SH3PXD2A: variants seen among roughly 807,000 people sequenced by gnomAD.
The protein encoded by SH3PXD2A is SH3 and PX domain-containing protein 2A.
A neutral mutation model predicts 115.2 loss-of-function variants in SH3PXD2A; 32 were observed. The observed-to-expected ratio is 0.28, with a 90% CI of 0.21 to 0.37. The LOEUF is 0.37. SH3PXD2A is among the 10% of genes least tolerant of loss of function. SH3PXD2A has a pLI of 1.00. For synonymous variants in SH3PXD2A, 610 were observed against 629.1 expected (o/e 0.97, Z 0.45); for missense variants, 1,328 against 1,498.7 (o/e 0.89, Z 1.88).
intron 4 of SH3PXD2A, among the ~76,000 whole-genome samples, chr10:103,732,659 C>A (rs1234302233): frequency 1.3e-5 from 2 of 152,194 alleles, no homozygotes; most frequent in African/African-American, 4.8e-5. Flanking sequence ...GTGTGCAGAG[C>A]CAGCTGCACA....
chr10:103,670,668 G>T (rs183312413), intron 6 of SH3PXD2A, among the ~76,000 whole-genome samples: 207 of 152,336 alleles, frequency 1.4e-3, no homozygotes, highest in Middle Eastern at 6.8e-3. Flanking sequence ...AGGGACTCCA[G>T]GGGACCTCAC....
chr10:103,776,803 T>G (rs2038884688), intron 2 of SH3PXD2A, among the ~76,000 whole-genome samples: 1 of 152,242 alleles, frequency 6.6e-6, no homozygotes, highest in African/African-American at 2.4e-5. Flanking sequence ...GGAGCCACCC[T>G]ACTCCCGGAT....
intron 1 of SH3PXD2A, among the ~76,000 whole-genome samples, chr10:103,814,170 C>G (rs1161890653): frequency 6.6e-6 from 1 of 152,094 alleles, no homozygotes; most frequent in Non-Finnish European, 1.5e-5. Context: ...AATTCATCAG[C>G]TCAAAGTGGG....
chr10:103,622,440 G>A (rs1322926224), intron 10 of SH3PXD2A, 30 bp downstream of exon 10: 4 of 1,451,544 alleles, frequency 2.8e-6, no homozygotes, highest in Non-Finnish European at 2.8e-6. Context: ...CGGTCGCTGC[G>A]AGGGAGGAGA....
At chr10:103,672,545 A>C (rs1001968251) in intron 6 of SH3PXD2A, among the ~76,000 whole-genome samples, 1 of 152,260 alleles carries the variant, frequency 6.6e-6, no homozygotes, top group African/African-American at 2.4e-5. Context: ...CGGATGATTC[A>C]GGAGGCACAG....
Position 103,622,326 on chromosome 10 carries a change from CAGT to C in SH3PXD2A, c.802+141_802+143del, listed in dbSNP as rs910332714. On this transcript the variant is annotated intron_variant, in intron 10 of 14. Coordinates refer to ENST00000369774, the MANE Select transcript of SH3PXD2A (RefSeq NM_001394015.1). ...AAGCAGGCCCACCCCACACCAGCTGCAGTAGGTGAGAAGAAAGCCTGGCCCGTG... is the reference window on the plus strand; with the variant it reads ...AAGCAGGCCCACCCCACACCAGCTGCAGGTGAGAAGAAAGCCTGGCCCGTG... 10 of 633,560 alleles carry C rather than the reference CAGT, an allele frequency of 1.6e-5. No homozygotes were observed. In the African/African-American group the frequency reaches 1.8e-4, roughly 12 times the overall value. The allele number at this position is 633,560 out of a possible 1,614,324, so 39.2% of individuals were successfully genotyped here.
intron 1 of SH3PXD2A, among the ~76,000 whole-genome samples, chr10:103,806,689 G>A (rs532757757): frequency 1.3e-4 from 20 of 152,276 alleles, no homozygotes; most frequent in Non-Finnish European, 2.8e-4. Context: ...TATGTTTCAC[G>A]GGTGGAGTTT....
chr10:103,850,805 G>A (rs1462473769), intron 1 of SH3PXD2A, among the ~76,000 whole-genome samples: 4 of 152,144 alleles, frequency 2.6e-5, no homozygotes, highest in Non-Finnish European at 5.9e-5. Context: ...CAGATTGACC[G>A]ATTGGGTCCT....
At position 103,601,927 on chromosome 10, in the gene SH3PXD2A, G is replaced by A. The variant is rs1262613211; in HGVS notation, c.3291C>T (p.Ser1097=). The change falls in exon 15 of 15, where the codon TCC becomes TCT. Residue 1097 remains serine (S), a synonymous_variant. Transcript: ENST00000369774. ...TAGGGTTCCTCTCCAGAACCTCCAT[G>A]GACACCCCCTCCTGGAAGCCTGCTG... ...EETAGFQEGV[S]MEVLERNPNG... 1 of 1,613,808 alleles carries A rather than the reference G, an allele frequency of 6.2e-7. No individual in the cohort carries two copies. Among genetic ancestry groups the A allele is most frequent in the Admixed American group, 1.7e-5 (1 of 59,992 alleles).
intron 4 of SH3PXD2A, among the ~76,000 whole-genome samples, chr10:103,733,056 T>A (rs1197775803): frequency 1.3e-5 from 2 of 152,136 alleles, no homozygotes; most frequent in African/African-American, 4.8e-5. Context: ...CACTCTGTAC[T>A]GCCCCACCCC....
chr10:103,853,270 CT>C (rs2134334280), intron 1 of SH3PXD2A, among the ~76,000 whole-genome samples: 1 of 152,320 alleles, frequency 6.6e-6, no homozygotes, highest in South Asian at 2.1e-4. Context: ...AACCCAAAAT[CT>C]TTCTTCCTTT....
At chr10:103,834,787 A>G (rs563934006) in intron 1 of SH3PXD2A, among the ~76,000 whole-genome samples, 2 of 152,180 alleles carry the variant, frequency 1.3e-5, no homozygotes, top group African/African-American at 2.4e-5. Context: ...AGGCAGATTA[A>G]GTAATTTGCC....
At chr10:103,676,563 T>G (rs2037536456) in intron 6 of SH3PXD2A, among the ~76,000 whole-genome samples, 1 of 152,154 alleles carries the variant, frequency 6.6e-6, no homozygotes, top group Admixed American at 6.5e-5. Flanking sequence ...AGCAGGTAGT[T>G]CTGTCACCTC....
At chr10:103,621,142 C>T (rs2036597211) in intron 10 of SH3PXD2A, among the ~76,000 whole-genome samples, 1 of 152,130 alleles carries the variant, frequency 6.6e-6, no homozygotes, top group African/African-American at 2.4e-5. Context: ...GCCATGAGGG[C>T]TGTGCATGTC....
At chr10:103,608,213 C>G (rs1045559527) in intron 13 of SH3PXD2A, among the ~76,000 whole-genome samples, 1 of 143,402 alleles carries the variant, frequency 7.0e-6, no homozygotes, top group East Asian at 2.1e-4. Context: ...GAGAACACCA[C>G]GTGAAGCCTG....
At chr10:103,606,836 G>A (rs185558107) in intron 13 of SH3PXD2A, among the ~76,000 whole-genome samples, 205 of 152,354 alleles carry the variant, frequency 1.3e-3, no homozygotes, top group African/African-American at 4.4e-3. Flanking sequence ...GCGTGATCTC[G>A]GCTCCCTACA....
intron 7 of SH3PXD2A, among the ~76,000 whole-genome samples, chr10:103,662,341 C>CGGGG (rs1196791691): frequency 0.03 from 299 of 10,132 alleles, no homozygotes; most frequent in Admixed American, 0.037. Context: ...CCATTATTGG[C>CGGGG]GGGGGGGGGG....
chr10:103,788,637 C>T (rs569007820), intron 2 of SH3PXD2A, among the ~76,000 whole-genome samples: 6 of 152,154 alleles, frequency 3.9e-5, no homozygotes, highest in South Asian at 2.1e-4. Context: ...GAGGCCGAGA[C>T]GGGCGGATCA....
chr10:103,816,873 T>C (rs1220956078), intron 1 of SH3PXD2A, among the ~76,000 whole-genome samples: 1 of 152,170 alleles, frequency 6.6e-6, no homozygotes, highest in Non-Finnish European at 1.5e-5. Flanking sequence ...AGTCTTGCTC[T>C]GTCGTCCAGG....
Sources: allele counts gnomAD v4.1 joint callset (sites outside exome capture counted in the v4.1 genomes callset), GRCh38; gene constraint gnomAD v4.1.1; transcripts MANE v1.5; gene names NCBI Gene and HGNC (gene_info 2026-07-23, HGNC 2026-07-21).